Variants in CDH13 observed in about 807,000 individuals in gnomAD.
The protein encoded by CDH13 is cadherin 13.
CDH13 carries 24 observed loss-of-function variants against 63.8 expected under a neutral mutation model. The observed-to-expected ratio is 0.38, with a 90% CI of 0.27 to 0.53. The LOEUF (loss-of-function observed/expected upper bound fraction) is 0.53. Among genes scored for constraint, CDH13 ranks in the 20% least tolerant of loss-of-function variants. The probability of loss-of-function intolerance (pLI) is 0.85; values close to 1 mark genes in which losing one functional copy is unlikely to be tolerated. For missense variants in CDH13, 1,049 were observed against 903.1 expected, an observed-to-expected ratio of 1.16 and a Z score of -2.07; for synonymous variants, 503 against 355.3, an observed-to-expected ratio of 1.42 and a Z score of -4.67.
chr16:82,739,069 T>C (rs1028149629), intron 1 of CDH13, among the ~76,000 whole-genome samples: 1 of 152,220 alleles, frequency 6.6e-6, no homozygotes, highest in Non-Finnish European at 1.5e-5. Flanking sequence ...TCCCCACCCC[T>C]GGGAACTGTG....
At chr16:82,799,299 C>T (rs1036348883) in intron 1 of CDH13, among the ~76,000 whole-genome samples, 1 of 152,172 alleles carries the variant, frequency 6.6e-6, no homozygotes, top group Non-Finnish European at 1.5e-5. Context: ...GAAAGTTGGT[C>T]TTGAAATATT....
At chr16:83,304,582 T>C (rs1233114790) in intron 5 of CDH13, among the ~76,000 whole-genome samples, 2 of 152,180 alleles carry the variant, frequency 1.3e-5, no homozygotes, top group Non-Finnish European at 2.9e-5. Flanking sequence ...CCTCGATACA[T>C]ATGGGATCTT....
At chr16:83,369,047 G>A (rs150300998) in intron 6 of CDH13, among the ~76,000 whole-genome samples, 13,567 of 149,712 alleles carry the variant, frequency 0.091, 855 homozygotes, top group Non-Finnish European at 0.14. Flanking sequence ...TATCTTTTTC[G>A]TATAATGACT....
At chr16:82,723,359 G>C (rs2032897348) in intron 1 of CDH13, among the ~76,000 whole-genome samples, 1 of 152,128 alleles carries the variant, frequency 6.6e-6, no homozygotes, top group East Asian at 1.9e-4. Flanking sequence ...TGTGGGGACT[G>C]GCTAGTTATT....
intron 6 of CDH13, among the ~76,000 whole-genome samples, chr16:83,446,313 AAAAG>A (rs1382682278): frequency 4.6e-5 from 7 of 151,758 alleles, no homozygotes; most frequent in East Asian, 1.9e-4. Flanking sequence ...AAAAAAAAAA[AAAAG>A]AAAGAAAGAA....
intron 1 of CDH13, among the ~76,000 whole-genome samples, chr16:82,819,988 C>A (rs373465176): frequency 2.0e-5 from 3 of 151,998 alleles, no homozygotes; most frequent in Non-Finnish European, 4.4e-5. Context: ...GAAGTGGTTC[C>A]GAGAGACAGC....
intron 3 of CDH13, among the ~76,000 whole-genome samples, chr16:83,107,319 GGTGGTT>G (rs376808699): frequency 0.12 from 13,857 of 112,718 alleles, 689 homozygotes; most frequent in African/African-American, 0.17. Flanking sequence ...TGGGGTTGGT[GGTGGTT>G]GTGGTGGTGG....
chr16:83,779,470 A>G (rs954750478), intron 11 of CDH13, among the ~76,000 whole-genome samples: 1 of 146,984 alleles, frequency 6.8e-6, no homozygotes, highest in Non-Finnish European at 1.5e-5. Context: ...TTTGTAAACC[A>G]CTAAACTTTA....
chr16:82,749,712 T>C (rs1415833848), intron 1 of CDH13, among the ~76,000 whole-genome samples: 1 of 152,206 alleles, frequency 6.6e-6, no homozygotes, highest in African/African-American at 2.4e-5. Flanking sequence ...TATAAATGTT[T>C]GTAGAGTCTA....
intron 5 of CDH13, among the ~76,000 whole-genome samples, chr16:83,224,854 C>T (rs1229544492): frequency 2.0e-5 from 3 of 152,126 alleles, no homozygotes; most frequent in Non-Finnish European, 2.9e-5. Context: ...GTAAGTGTTC[C>T]GGAATTGGGA....
At chr16:83,161,330 G>T (rs1348933743) in intron 4 of CDH13, among the ~76,000 whole-genome samples, 2 of 151,376 alleles carry the variant, frequency 1.3e-5, no homozygotes, top group East Asian at 3.9e-4. Flanking sequence ...TGAATATTGA[G>T]CTTCTATATT....
intron 6 of CDH13, among the ~76,000 whole-genome samples, chr16:83,473,314 T>C (rs572226946): frequency 4.0e-4 from 61 of 152,366 alleles, no homozygotes; most frequent in Middle Eastern, 3.4e-3. Flanking sequence ...ACTTATCAAG[T>C]TGGAGAACAC....
At chr16:83,408,733 C>G (rs1400147986) in intron 6 of CDH13, among the ~76,000 whole-genome samples, 3 of 152,124 alleles carry the variant, frequency 2.0e-5, no homozygotes, top group Non-Finnish European at 4.4e-5. Flanking sequence ...AAGGGCCTTG[C>G]TAAATGTAAC....
intron 7 of CDH13, among the ~76,000 whole-genome samples, chr16:83,493,578 G>GTGGCA (rs1287257919): frequency 6.6e-6 from 1 of 152,230 alleles, no homozygotes; most frequent in Non-Finnish European, 1.5e-5. Flanking sequence ...GGGGAAAGGA[G>GTGGCA]TGGCATGGAC....
chr16:83,252,508 T>C (rs1264224501), intron 5 of CDH13, among the ~76,000 whole-genome samples: 1 of 152,070 alleles, frequency 6.6e-6, no homozygotes, highest in Non-Finnish European at 1.5e-5. Context: ...ATTCTTAAAG[T>C]GAATTCCGTT....
At chr16:82,645,976 A>G (rs1167194261) in intron 1 of CDH13, among the ~76,000 whole-genome samples, 1 of 152,246 alleles carries the variant, frequency 6.6e-6, no homozygotes, top group Non-Finnish European at 1.5e-5. Flanking sequence ...CTGTTCTATT[A>G]GATAAAAAGT....
Position 83,379,938 on chromosome 16 carries a change from T to TATATATATAGAGAGAGAGAGAG in CDH13, c.781+34933_781+34934insTATATATAGAGAGAGAGAGAGA. Reference sequence around the variant, plus strand: ...GTGTGTGTATATATATATATATATATAGAGAGAGAGAGAGAGAGAGAGAGA... The same window carrying TATATATATAGAGAGAGAGAGAG: ...GTGTGTGTATATATATATATATATATATATATATAGAGAGAGAGAGAGAGAGAGAGAGAGAGAGAGAGAGAGA... On this transcript the variant is annotated intron_variant, in intron 6 of 13. Coordinates refer to ENST00000567109, the MANE Select transcript of CDH13 (RefSeq NM_001257.5). Among the ~76,000 whole-genome samples, 508 of 123,398 alleles carry TATATATATAGAGAGAGAGAGAG rather than the reference T, an allele frequency of 4.1e-3. 4 individuals carry two copies. The highest frequency in any genetic ancestry group is 8.3e-3 in the Middle Eastern group (2 of 240). 81.0% of individuals were successfully genotyped at this position (123,398 alleles called of 152,430 possible). A position where few individuals can be genotyped will look rare whatever the true frequency, so the allele number is the denominator to read the frequency against.
chr16:83,075,600 C>G (rs894801112), intron 3 of CDH13, among the ~76,000 whole-genome samples: 1 of 152,194 alleles, frequency 6.6e-6, no homozygotes, highest in African/African-American at 2.4e-5. Context: ...TTCAGATGAA[C>G]TTTGATGTTC....
At chr16:83,434,643 A>G (rs1030135275) in intron 6 of CDH13, among the ~76,000 whole-genome samples, 4 of 151,890 alleles carry the variant, frequency 2.6e-5, no homozygotes, top group Non-Finnish European at 4.4e-5. Context: ...GTAATCATGT[A>G]CATAGCCCTT....
Sources: gnomAD v4.1 joint callset for allele counts (sites outside exome capture counted in the v4.1 genomes callset) on GRCh38, gnomAD v4.1.1 for gene constraint, MANE v1.5 for transcripts, NCBI Gene and HGNC (gene_info 2026-07-23, HGNC 2026-07-21) for gene names.